The following NFATC3 variants were observed in gnomAD, a reference collection of about 807,000 sequenced individuals.
NFATC3 encodes nuclear factor of activated T-cells, cytoplasmic 3.
Under a neutral mutation model 98.6 loss-of-function variants are expected in NFATC3, and 46 were observed. That is an observed-to-expected ratio of 0.47 (90% confidence interval 0.37 to 0.60). The LOEUF is 0.60. Ranked by LOEUF, NFATC3 falls within the 20% of genes least tolerant of loss-of-function variation. The pLI is 0.00. For missense variants in NFATC3, 1,256 were observed against 1,295.5 expected (o/e 0.97, Z 0.47); for synonymous variants, 512 against 472.2 (o/e 1.08, Z -1.09).
chr16:68,100,620 G>A (rs1168935121), intron 1 of NFATC3, among the ~76,000 whole-genome samples: 1 of 151,038 alleles, frequency 6.6e-6, no homozygotes, highest in Non-Finnish European at 1.5e-5. Flanking sequence ...CCTGCCAAAT[G>A]TTTTCATTCC....
In NFATC3 at chr16:68,226,510, CA is replaced by C. The variant is rs770621847; in HGVS notation, c.*40del. 1 of 1,457,524 alleles carries C rather than the reference CA, an allele frequency of 6.9e-7. No individual in the cohort carries two copies. Among genetic ancestry groups the C allele is most frequent in the Non-Finnish European group, 9.0e-7 (1 of 1,107,802 alleles). 90.3% of individuals were successfully genotyped at this position (1,457,524 alleles called of 1,614,324 possible). ...AGCCTTGTGTCCACCACCAACTTCT[CA>C]GCATGTTTCTCTCCTTGGACCTTGG... On this transcript the variant is annotated 3_prime_UTR_variant, in exon 10 of 10. Coordinates refer to ENST00000346183, the MANE Select transcript of NFATC3 (RefSeq NM_173165.3).
intron 3 of NFATC3, among the ~76,000 whole-genome samples, chr16:68,155,134 C>T (rs1412813907): frequency 6.6e-6 from 1 of 152,100 alleles, no homozygotes; most frequent in South Asian, 2.1e-4. Flanking sequence ...GGAGGATAAC[C>T]AATAAATTAT....
At chr16:68,192,611 C>T (rs1329169232) in intron 9 of NFATC3, among the ~76,000 whole-genome samples, 1 of 152,136 alleles carries the variant, frequency 6.6e-6, no homozygotes, top group African/African-American at 2.4e-5. Context: ...ATAATCCCAG[C>T]ACTTTGGAAG....
At chr16:68,126,372 T>C (rs1019302915) in intron 2 of NFATC3, 76 bp from the exon 3 acceptor site, 1 of 1,369,972 alleles carries the variant, frequency 7.3e-7, no homozygotes, top group East Asian at 2.3e-5. Context: ...ATGTTGGTGC[T>C]GGCAAAGAAG....
At chr16:68,183,930 C>G (rs1739093414) in intron 8 of NFATC3, among the ~76,000 whole-genome samples, 1 of 150,412 alleles carries the variant, frequency 6.6e-6, no homozygotes, top group African/African-American at 2.5e-5. Context: ...TTGCTTGAAC[C>G]CAGGAGTGGA....
intron 1 of NFATC3, chr16:68,086,717 A>G (rs1011646260): frequency 4.7e-5 from 46 of 985,288 alleles, no homozygotes; most frequent in Admixed American, 3.7e-4. Context: ...CTTAATGTTC[A>G]TGTTTGATGT....
chr16:68,122,912 TTCTGAAGA>T lies in NFATC3; in HGVS notation c.1032_1039del (p.Glu345SerfsTer14). 6.2e-7 allele frequency: 1 copy of T among 1,614,232 alleles called. No homozygotes were observed. Among genetic ancestry groups the T allele is most frequent in the Non-Finnish European group, 8.5e-7 (1 of 1,180,048 alleles). On this transcript the variant is annotated frameshift_variant, in exon 2 of 10. Coordinates refer to ENST00000346183, the MANE Select transcript of NFATC3 (RefSeq NM_173165.3). LOFTEE classifies it high-confidence loss of function. ...ACATCCCTCTCAAAACAAGGAAAACTTCTGAAGATCAAGCTGCCATACTACCAGGAAAA... is the reference window on the plus strand; with the variant it reads ...ACATCCCTCTCAAAACAAGGAAAACTTCAAGCTGCCATACTACCAGGAAAA...
intron 4 of NFATC3, among the ~76,000 whole-genome samples, chr16:68,162,824 G>A (rs972808409): frequency 2.0e-5 from 3 of 151,824 alleles, no homozygotes; most frequent in African/African-American, 7.3e-5. Context: ...GGACAATAGT[G>A]GAGGGAAGGT....
chr16:68,226,391 T>G lies in NFATC3; in HGVS notation c.3148T>G (p.Ser1050Ala), dbSNP rs189001057. ...GAGAGACATGTCCCAGATTTCTGTT[T>G]CCCAAGGAGCAGGGGTGAGCAGGCA... ...IGRDMSQISV[S>A]QGAGVSRQAP... is the part of the protein sequence containing the mutation. Residue 1050 changes from serine (S) to alanine (A), a missense_variant, in exon 10 of 10, where the codon TCC becomes GCC. By Grantham distance (99) the Ser-to-Ala change is moderately conservative (BLOSUM62 1). Transcript: ENST00000346183. 5.1e-6 allele frequency: 8 copies of G among 1,568,650 alleles called. No homozygotes were observed. The highest frequency in any genetic ancestry group is 2.5e-5 in the East Asian group (1 of 40,700).
chr16:68,168,392 A>T (rs1057472050), intron 5 of NFATC3, among the ~76,000 whole-genome samples: 2 of 150,404 alleles, frequency 1.3e-5, no homozygotes, highest in Non-Finnish European at 3.0e-5. Context: ...CGAAATTCTG[A>T]CTTGAAGTGA....
intron 9 of NFATC3, among the ~76,000 whole-genome samples, chr16:68,207,169 G>T (rs1249383188): frequency 6.6e-6 from 1 of 151,902 alleles, no homozygotes; most frequent in East Asian, 1.9e-4. Flanking sequence ...AATTAGTTGG[G>T]CATGGTGGTG....
rs973365762 is a variant in NFATC3 at position 68,162,111 on chromosome 16, T to C, written c.1601+4043T>C. Among the ~76,000 whole-genome samples, 40 of 152,182 alleles carry C rather than the reference T, an allele frequency of 2.6e-4. 1 individual carries two copies. Among genetic ancestry groups the C allele is most frequent in the African/African-American group, 9.7e-4 (40 of 41,440 alleles). On this transcript the variant is annotated intron_variant, in intron 4 of 9. Transcript: ENST00000346183. ...TCCTCCTGCAACCCTACCACACACA[T>C]ACCTAAAACTTCTTGACCATTCTAT...
chr16:68,146,495 C>A (rs951615907), intron 3 of NFATC3, among the ~76,000 whole-genome samples: 2 of 151,770 alleles, frequency 1.3e-5, no homozygotes, highest in Non-Finnish European at 2.9e-5. Flanking sequence ...GAATCTTATC[C>A]CAAAAGTTAC....
intron 9 of NFATC3, among the ~76,000 whole-genome samples, chr16:68,216,262 G>A (rs919682299): frequency 2.6e-5 from 4 of 152,094 alleles, no homozygotes; most frequent in African/African-American, 7.2e-5. Flanking sequence ...AGCAAAATAG[G>A]GATAAAGGAT....
intron 3 of NFATC3, among the ~76,000 whole-genome samples, chr16:68,136,327 G>A (rs2037405518): frequency 6.6e-6 from 1 of 151,976 alleles, no homozygotes; most frequent in South Asian, 2.1e-4. Context: ...GAGTGCAGTA[G>A]TGCAATGTCA....
intron 8 of NFATC3, among the ~76,000 whole-genome samples, chr16:68,184,347 T>C (rs1352202807): frequency 6.6e-6 from 1 of 152,038 alleles, no homozygotes; most frequent in Non-Finnish European, 1.5e-5. Context: ...TTAAGATGGA[T>C]GTAGATGAAA....
chr16:68,177,246 T>C (rs1159047163), intron 6 of NFATC3, among the ~76,000 whole-genome samples: 2 of 152,074 alleles, frequency 1.3e-5, no homozygotes, highest in African/African-American at 4.8e-5. Flanking sequence ...AGATGGGGTT[T>C]CACCATGTTG....
chr16:68,156,105 G>T (rs777320877), intron 3 of NFATC3, among the ~76,000 whole-genome samples: 1 of 152,094 alleles, frequency 6.6e-6, no homozygotes, highest in Non-Finnish European at 1.5e-5. Flanking sequence ...GAGGTCAGGA[G>T]TTTGAGACCA....
At chr16:68,183,731 C>T in intron 8 of NFATC3, among the ~76,000 whole-genome samples, 1 of 152,098 alleles carries the variant, frequency 6.6e-6, no homozygotes, top group East Asian at 1.9e-4. Context: ...TGGCCAGGCG[C>T]AGTGGCTCAT....
Sources: allele counts gnomAD v4.1 joint callset (sites outside exome capture counted in the v4.1 genomes callset), GRCh38; gene constraint gnomAD v4.1.1; transcripts MANE v1.5; gene names NCBI Gene and HGNC (gene_info 2026-07-23, HGNC 2026-07-21).